WDPCP: variants seen among roughly 807,000 people sequenced by gnomAD.
The protein encoded by WDPCP is WD repeat containing planar cell polarity effector.
In WDPCP, 71 loss-of-function variants were observed where a neutral mutation model predicts 93.1. The ratio of observed to expected loss-of-function variants is 0.76; its 90% confidence interval spans 0.63 to 0.93. The LOEUF is 0.93. Among genes scored for constraint, WDPCP ranks in the 40% least tolerant of loss-of-function variants. The probability of loss-of-function intolerance (pLI) is 0.00; values close to 1 mark genes in which losing one functional copy is unlikely to be tolerated. For missense variants in WDPCP, 844 were observed against 887.4 expected (o/e 0.95, Z 0.62); for synonymous variants, 315 against 315.0 (o/e 1.00, Z 0.00).
intron 1 of WDPCP, among the ~76,000 whole-genome samples, chr2:63,558,322 G>A (rs1463011473): frequency 6.6e-6 from 1 of 152,078 alleles, no homozygotes; most frequent in Non-Finnish European, 1.5e-5. Context: ...GAGGTCAGGA[G>A]TTTGAGACCA....
intron 2 of WDPCP, among the ~76,000 whole-genome samples, chr2:63,776,216 G>A (rs530652395): frequency 5.4e-5 from 8 of 148,604 alleles, no homozygotes; most frequent in African/African-American, 1.2e-4. Context: ...ATAAGCCACC[G>A]ACAGGAAGAA....
At chr2:63,318,583 T>A (rs1201626822) in intron 12 of WDPCP, among the ~76,000 whole-genome samples, 2 of 152,146 alleles carry the variant, frequency 1.3e-5, no homozygotes, top group Non-Finnish European at 2.9e-5. Context: ...TACTATGCAG[T>A]CATATAAAAG....
chr2:63,342,676 A>T (rs1438994008), intron 12 of WDPCP, among the ~76,000 whole-genome samples: 2 of 152,202 alleles, frequency 1.3e-5, no homozygotes, highest in Non-Finnish European at 2.9e-5. Context: ...TATTGTCATA[A>T]ATTACATGTA....
At chr2:63,728,607 T>C (rs779979973) in intron 2 of WDPCP, among the ~76,000 whole-genome samples, 4 of 152,188 alleles carry the variant, frequency 2.6e-5, no homozygotes, top group Non-Finnish European at 5.9e-5. Flanking sequence ...AATATATAAT[T>C]ATCCTCATTG....
intron 1 of WDPCP, among the ~76,000 whole-genome samples, chr2:63,531,325 T>C (rs2106237266): frequency 6.6e-6 from 1 of 152,248 alleles, no homozygotes; most frequent in African/African-American, 2.4e-5. Context: ...TGTCTGACGA[T>C]TTGAAGAGAG....
At chr2:63,835,085 C>A in the WDPCP span, among the ~76,000 whole-genome samples, 5 of 151,434 alleles carry the variant, frequency 3.3e-5, no homozygotes, top group African/African-American at 1.2e-4. Context: ...AATTGAAGTG[C>A]AATTTAAAAT....
intron 2 of WDPCP, among the ~76,000 whole-genome samples, chr2:63,744,287 A>T (rs1024080111): frequency 4.9e-4 from 75 of 152,242 alleles, no homozygotes; most frequent in African/African-American, 1.8e-3. Flanking sequence ...ACAGCAATGC[A>T]GCCCTCTCCT....
chr2:63,677,158 T>G (rs568134224), intron 2 of WDPCP, among the ~76,000 whole-genome samples: 135 of 152,320 alleles, frequency 8.9e-4, no homozygotes, highest in African/African-American at 2.7e-3. Flanking sequence ...TGAGAACCAC[T>G]GACTTACAGG....
At chr2:63,159,218 T>C (rs1672483950) in intron 15 of WDPCP, among the ~76,000 whole-genome samples, 1 of 151,860 alleles carries the variant, frequency 6.6e-6, no homozygotes, top group Admixed American at 6.6e-5. Flanking sequence ...TGTTTCTTCT[T>C]TATACCTTCT....
chr2:63,369,422 T>G (rs1301533755), intron 12 of WDPCP: 1 of 456,618 alleles, frequency 2.2e-6, no homozygotes, highest in Admixed American at 2.3e-5. Context: ...CAGTTCACTC[T>G]CTTATAAAAG....
chr2:63,398,684 C>T (rs6546003), intron 10 of WDPCP, among the ~76,000 whole-genome samples: 63,117 of 151,822 alleles, frequency 0.42, 13,390 homozygotes, highest in Non-Finnish European at 0.43. Flanking sequence ...TAAACTACGA[C>T]CCATGATCTA....
At chr2:63,665,540 T>C (rs1482677022) in intron 2 of WDPCP, among the ~76,000 whole-genome samples, 2 of 152,232 alleles carry the variant, frequency 1.3e-5, no homozygotes, top group Non-Finnish European at 2.9e-5. Context: ...TGCTTCCAAA[T>C]AAGATCACAT....
chr2:63,494,540 C>T (rs1437480203), intron 1 of WDPCP, among the ~76,000 whole-genome samples: 2 of 152,216 alleles, frequency 1.3e-5, no homozygotes, highest in Admixed American at 6.5e-5. Flanking sequence ...AGACTAGCTC[C>T]GGAGTCTGTT....
At chr2:63,698,265 C>T (rs999698131) in intron 2 of WDPCP, among the ~76,000 whole-genome samples, 2 of 152,138 alleles carry the variant, frequency 1.3e-5, no homozygotes, top group African/African-American at 2.4e-5. Context: ...AAAATGATTT[C>T]TTGAGGTGAA....
intron 9 of WDPCP, among the ~76,000 whole-genome samples, chr2:63,414,715 G>C (rs1695282579): frequency 6.6e-6 from 1 of 152,118 alleles, no homozygotes. Context: ...AAGGACTGTG[G>C]GGACTTGGAG....
intron 6 of WDPCP, chr2:63,440,086 T>C: frequency 2.0e-6 from 1 of 508,314 alleles, no homozygotes; most frequent in Non-Finnish European, 3.6e-6. Flanking sequence ...AATGCATTGA[T>C]TAAAGCTACA....
chr2:63,529,339 T>A (rs1703628205), intron 1 of WDPCP, among the ~76,000 whole-genome samples: 1 of 152,210 alleles, frequency 6.6e-6, no homozygotes, highest in Admixed American at 6.5e-5. Flanking sequence ...CAGTATGATA[T>A]TGGCTGCGGG....
intron 1 of WDPCP, among the ~76,000 whole-genome samples, chr2:63,577,268 T>C (rs960066742): frequency 3.9e-5 from 6 of 152,186 alleles, no homozygotes; most frequent in Non-Finnish European, 8.8e-5. Flanking sequence ...CTGGGCTTGT[T>C]GTAAATAATT....
intron 13 of WDPCP, among the ~76,000 whole-genome samples, chr2:63,305,053 C>T (rs1397368451): frequency 6.6e-6 from 1 of 152,136 alleles, no homozygotes; most frequent in Non-Finnish European, 1.5e-5. Context: ...TAGATTCCTC[C>T]TCTCTGGGCA....
Sources: allele counts gnomAD v4.1 joint callset (sites outside exome capture counted in the v4.1 genomes callset), GRCh38; gene constraint gnomAD v4.1.1; transcripts MANE v1.5; gene names NCBI Gene and HGNC (gene_info 2026-07-23, HGNC 2026-07-21).